LDB2: variants seen among roughly 807,000 people sequenced by gnomAD.
The protein encoded by LDB2 is LIM domain-binding protein 2.
A neutral mutation model predicts 44.3 loss-of-function variants in LDB2; 12 were observed. The observed-to-expected ratio is 0.27, with a 90% CI of 0.17 to 0.44. The LOEUF is 0.44. Among genes scored for constraint, LDB2 ranks in the 20% least tolerant of loss-of-function variants. The pLI, the probability that LDB2 is intolerant of heterozygous loss-of-function variation, is 1.00. For synonymous variants in LDB2, 164 were observed against 174.8 expected, an observed-to-expected ratio of 0.94 and a Z score of 0.49; for missense variants, 344 against 473.5, an observed-to-expected ratio of 0.73 and a Z score of 2.54.
chr4:16,844,868 C>T (rs188486820), intron 1 of LDB2, among the ~76,000 whole-genome samples: 23 of 152,294 alleles, frequency 1.5e-4, no homozygotes, highest in African/African-American at 5.3e-4. Context: ...AGGCTTGATA[C>T]TGTATTAAAC....
intron 1 of LDB2, among the ~76,000 whole-genome samples, chr4:16,763,621 G>A (rs1768485887): frequency 6.6e-6 from 1 of 152,152 alleles, no homozygotes; most frequent in African/African-American, 2.4e-5. Flanking sequence ...AGCTTATTAT[G>A]GAAAGAGCAC....
chr4:16,784,409 A>G (rs963370333), intron 1 of LDB2, among the ~76,000 whole-genome samples: 4 of 152,178 alleles, frequency 2.6e-5, no homozygotes, highest in Non-Finnish European at 5.9e-5. Context: ...ATTAAATAAG[A>G]ATGTGCACAT....
At chr4:16,563,987 C>T (rs1214607469) in intron 5 of LDB2, among the ~76,000 whole-genome samples, 1 of 152,152 alleles carries the variant, frequency 6.6e-6, no homozygotes, top group Non-Finnish European at 1.5e-5. Flanking sequence ...CAGTGATTGT[C>T]CAATGCTGAA....
chr4:16,720,019 A>G (rs1330048442), intron 2 of LDB2, among the ~76,000 whole-genome samples: 1 of 152,082 alleles, frequency 6.6e-6, no homozygotes, highest in Admixed American at 6.6e-5. Context: ...AATTTATTAA[A>G]CTTCAACTAT....
intron 2 of LDB2, among the ~76,000 whole-genome samples, chr4:16,649,601 A>G (rs1243410953): frequency 6.6e-6 from 1 of 152,212 alleles, no homozygotes. Flanking sequence ...CAGACTGCTT[A>G]GATTCCAGCT....
chr4:16,798,597 T>C (rs754414443), intron 1 of LDB2, among the ~76,000 whole-genome samples: 4 of 152,044 alleles, frequency 2.6e-5, no homozygotes, highest in Non-Finnish European at 4.4e-5. Context: ...AAGCTGAAAA[T>C]GCCCCCCACC....
intron 1 of LDB2, among the ~76,000 whole-genome samples, chr4:16,792,848 G>T (rs1476750701): frequency 6.6e-6 from 1 of 152,116 alleles, no homozygotes; most frequent in African/African-American, 2.4e-5. Context: ...TTTTATAAAG[G>T]CACTTTTCAA....
intron 2 of LDB2, among the ~76,000 whole-genome samples, chr4:16,634,952 T>G (rs887869002): frequency 6.6e-6 from 1 of 152,172 alleles, no homozygotes; most frequent in Admixed American, 6.5e-5. Context: ...CATGGAATAC[T>G]ATGCAGCCAT....
intron 2 of LDB2, among the ~76,000 whole-genome samples, chr4:16,730,831 C>T (rs926479523): frequency 7.9e-5 from 12 of 152,060 alleles, no homozygotes; most frequent in African/African-American, 2.7e-4. Flanking sequence ...GTGCCATTTA[C>T]CAAGCTCCTA....
At chr4:16,677,926 A>G (rs1431873766) in intron 2 of LDB2, among the ~76,000 whole-genome samples, 1 of 152,250 alleles carries the variant, frequency 6.6e-6, no homozygotes, top group Non-Finnish European at 1.5e-5. Flanking sequence ...TTAGAATGTC[A>G]GTTTCGGCAA....
intron 1 of LDB2, among the ~76,000 whole-genome samples, chr4:16,831,174 C>CATT: frequency 7.9e-6 from 1 of 126,710 alleles, no homozygotes; most frequent in Admixed American, 8.5e-5. Flanking sequence ...CCTCTCTGAG[C>CATT]TTTTTTTTTT....
At chr4:16,528,594 G>A (rs540854225) in intron 5 of LDB2, among the ~76,000 whole-genome samples, 3 of 152,344 alleles carry the variant, frequency 2.0e-5, no homozygotes, top group Non-Finnish European at 4.4e-5. Flanking sequence ...AGGGCCTTCG[G>A]CCAGCCTTGC....
intron 5 of LDB2, among the ~76,000 whole-genome samples, chr4:16,566,578 G>C (rs1744610906): frequency 6.6e-6 from 1 of 151,982 alleles, no homozygotes; most frequent in African/African-American, 2.4e-5. Flanking sequence ...GGTGGCATTA[G>C]AAAACATAGA....
At chr4:16,674,161 A>C (rs1745644921) in intron 2 of LDB2, 1 of 1,020,826 alleles carries the variant, frequency 9.8e-7, no homozygotes, top group Admixed American at 2.4e-5. Flanking sequence ...TCCAGAATTC[A>C]CGCCTTAAAA....
rs117951950 is a variant in LDB2, at chr4:16,867,059, G to A, written c.132+31295C>T. 3.3e-5 allele frequency among the ~76,000 whole-genome samples: 5 copies of A among 152,250 alleles called. No individual in the cohort carries two copies. In the East Asian group the frequency reaches 7.7e-4, roughly 24 times the overall value. ...CTGAAAGATAATATGACTGCTGTCT[G>A]GCACAGCGTCTCTCAGAGGCTTAGC... On this transcript the variant is annotated intron_variant, in intron 1 of 7. Transcript: ENST00000304523.
chr4:16,872,019 T>C (rs1716816574), intron 1 of LDB2, among the ~76,000 whole-genome samples: 1 of 152,204 alleles, frequency 6.6e-6, no homozygotes, highest in Non-Finnish European at 1.5e-5. Context: ...GGAGAATTAA[T>C]TGGCTATACA....
intron 2 of LDB2, among the ~76,000 whole-genome samples, chr4:16,755,197 A>G (rs549919567): frequency 3.3e-5 from 5 of 152,290 alleles, no homozygotes; most frequent in African/African-American, 1.2e-4. Context: ...CTACATTCCT[A>G]AAAGGAGCAA....
chr4:16,537,841 T>C (rs1732393056), intron 5 of LDB2, among the ~76,000 whole-genome samples: 2 of 152,188 alleles, frequency 1.3e-5, no homozygotes, highest in African/African-American at 4.8e-5. Flanking sequence ...CAAGCTCCGG[T>C]TCCGCTTAGA....
At chr4:16,593,982 G>A (rs1055058784) in intron 3 of LDB2, among the ~76,000 whole-genome samples, 10 of 152,124 alleles carry the variant, frequency 6.6e-5, no homozygotes, top group African/African-American at 2.2e-4. Flanking sequence ...AAGAAATTGA[G>A]TAAATATATA....
Sources: allele counts gnomAD v4.1 joint callset (sites outside exome capture counted in the v4.1 genomes callset), GRCh38; gene constraint gnomAD v4.1.1; transcripts MANE v1.5; gene names NCBI Gene and HGNC (gene_info 2026-07-23, HGNC 2026-07-21).